Variants in RTN1 observed in about 807,000 individuals in gnomAD.
RTN1 encodes reticulon-1.
A neutral mutation model predicts 65.5 loss-of-function variants in RTN1; 25 were observed. That is an observed-to-expected ratio of 0.38 (90% CI 0.28 to 0.53). The LOEUF (loss-of-function observed/expected upper bound fraction) is 0.53. Ranked by LOEUF, RTN1 falls within the 20% of genes least tolerant of loss-of-function variation. The probability of loss-of-function intolerance (pLI) is 0.79; values close to 1 mark genes in which losing one functional copy is unlikely to be tolerated. For missense variants in RTN1, 983 were observed against 1,025.4 expected (o/e 0.96, Z 0.57); for synonymous variants, 471 against 447.6 (o/e 1.05, Z -0.66).
At chr14:59,652,997 G>GA (rs947927645) in intron 3 of RTN1, among the ~76,000 whole-genome samples, 3 of 151,230 alleles carry the variant, frequency 2.0e-5, no homozygotes, top group Admixed American at 2.0e-4. Context: ...GAAAGAAACA[G>GA]AAAAAAAATT....
chr14:59,728,390 C>A (rs981609519), intron 2 of RTN1, among the ~76,000 whole-genome samples: 8 of 151,126 alleles, frequency 5.3e-5, no homozygotes, highest in African/African-American at 1.9e-4. Flanking sequence ...CCACTGTATT[C>A]TTTCCCTTTC....
intron 2 of RTN1, among the ~76,000 whole-genome samples, chr14:59,730,679 A>T (rs1214197918): frequency 6.6e-6 from 1 of 152,230 alleles, no homozygotes; most frequent in African/African-American, 2.4e-5. Context: ...CCAATTAAAA[A>T]TGGGCAAAGA....
intron 3 of RTN1, among the ~76,000 whole-genome samples, chr14:59,658,423 C>T (rs1421792040): frequency 6.6e-6 from 1 of 152,190 alleles, no homozygotes; most frequent in Non-Finnish European, 1.5e-5. Context: ...GTCCCTGACC[C>T]CTGTGTCTCC....
In RTN1 at chr14:59,825,198, G is replaced by C. The variant is rs760371015; in HGVS notation, c.241+45192C>G. Among the ~76,000 whole-genome samples, 5 of 152,150 alleles carry C rather than the reference G, an allele frequency of 3.3e-5. No homozygotes were observed. On this transcript the variant is annotated intron_variant, in intron 1 of 8. Coordinates refer to ENST00000267484, the MANE Select transcript of RTN1 (RefSeq NM_021136.3). The surrounding 1 kb of genome is among the most constrained non-coding windows in gnomAD (Gnocchi z 4.2). The stretch of plus-strand genomic sequence containing the variant: ...TACCGACTAGGTGCCAATAGCACCC[G>C]AGTCATGTCTATTAAAAATGTCTCC...
chr14:59,728,292 TGTAA>T (rs1351137586), intron 2 of RTN1, among the ~76,000 whole-genome samples: 1 of 142,642 alleles, frequency 7.0e-6, no homozygotes, highest in Non-Finnish European at 1.5e-5. Context: ...AGTGGAGCAA[TGTAA>T]GAGATCACTT....
rs1885852956 is a variant in RTN1 at position 59,766,480 on chromosome 14, G to C, written c.242-19999C>G. On this transcript the variant is annotated intron_variant, in intron 1 of 8. Transcript: ENST00000267484. The surrounding 1 kb of genome is among the most constrained non-coding windows in gnomAD (Gnocchi z 4.4). The stretch of plus-strand genomic sequence containing the variant: ...TTTCTACTTACCTGTAAGTTGGTAA[G>C]GTAGCTGCTCTTATATCTGGGGAAG... 6.6e-6 allele frequency among the ~76,000 whole-genome samples: 1 copy of C among 152,084 alleles called. No homozygotes were observed. Among genetic ancestry groups the C allele is most frequent in the Non-Finnish European group, 1.5e-5 (1 of 68,010 alleles).
At chr14:59,741,871 G>C (rs1371037383) in intron 2 of RTN1, among the ~76,000 whole-genome samples, 7 of 152,146 alleles carry the variant, frequency 4.6e-5, no homozygotes, top group Non-Finnish European at 8.8e-5. Flanking sequence ...TTCAGTTCAT[G>C]TGTCATCTCC....
At chr14:59,612,985 T>C (rs1295238669) in intron 3 of RTN1, among the ~76,000 whole-genome samples, 3 of 152,244 alleles carry the variant, frequency 2.0e-5, no homozygotes, top group African/African-American at 7.2e-5. Context: ...GAATAATTCC[T>C]TTCTGGTTTA....
At chr14:59,731,896 C>T (rs1214623231) in intron 2 of RTN1, among the ~76,000 whole-genome samples, 1 of 152,208 alleles carries the variant, frequency 6.6e-6, no homozygotes, top group African/African-American at 2.4e-5. Flanking sequence ...GGTGATTTTA[C>T]CCATTTCCAC....
At chr14:59,618,324 C>A (rs1421700995) in intron 3 of RTN1, among the ~76,000 whole-genome samples, 3 of 152,218 alleles carry the variant, frequency 2.0e-5, no homozygotes, top group African/African-American at 7.2e-5. Flanking sequence ...AGATATTTTG[C>A]AGACCCTGCA....
chr14:59,615,460 A>AAAC (rs1401789083), intron 3 of RTN1, among the ~76,000 whole-genome samples: 1 of 152,144 alleles, frequency 6.6e-6, no homozygotes, highest in Non-Finnish European at 1.5e-5. Context: ...AAAAAAAACA[A>AAAC]AACAACAACA....
Position 59,870,648 on chromosome 14 carries a change from C to CGCG in RTN1, c.-21_-19dup, listed in dbSNP as rs1887886664. 2 of 1,364,440 alleles carry CGCG rather than the reference C, an allele frequency of 1.5e-6. No individual in the cohort carries two copies. Among genetic ancestry groups the CGCG allele is most frequent in the Non-Finnish European group, 1.9e-6 (2 of 1,066,334 alleles). 84.5% of individuals were successfully genotyped at this position (1,364,440 alleles called of 1,614,324 possible). Reference sequence around the variant, plus strand: ...GCGGCCATGGCTGGCGGTCCCCCGGCGCGGCGACGGCGGCTTGGCTGGGCA... The same window carrying CGCG: ...GCGGCCATGGCTGGCGGTCCCCCGGCGCGGCGGCGACGGCGGCTTGGCTGGGCA... On this transcript the variant is annotated 5_prime_UTR_variant, in exon 1 of 9. Transcript: ENST00000267484. The surrounding 1 kb of genome is among the most constrained non-coding windows in gnomAD (Gnocchi z 5.1).
intron 1 of RTN1, among the ~76,000 whole-genome samples, chr14:59,869,945 GGCCTGCCCGC>G (rs1887865288): frequency 6.6e-6 from 1 of 152,084 alleles, no homozygotes; most frequent in East Asian, 1.9e-4. Flanking sequence ...AGGGGCCGCG[GGCCTGCCCGC>G]CGCTCGGTTG....
intron 3 of RTN1, among the ~76,000 whole-genome samples, chr14:59,658,528 C>T (rs182317793): frequency 6.6e-6 from 1 of 152,292 alleles, no homozygotes; most frequent in East Asian, 1.9e-4. Context: ...ACGAAGCTTC[C>T]AGAGGAAGGA....
At chr14:59,793,509 G>A (rs1475744510) in intron 1 of RTN1, among the ~76,000 whole-genome samples, 2 of 152,034 alleles carry the variant, frequency 1.3e-5, no homozygotes, top group Non-Finnish European at 2.9e-5. Context: ...TGTAATCATA[G>A]AAATCTAGTA....
chr14:59,708,356 T>G (rs1261116941), intron 3 of RTN1, among the ~76,000 whole-genome samples: 1 of 152,252 alleles, frequency 6.6e-6, no homozygotes, highest in African/African-American at 2.4e-5. Context: ...TTTTCTCCTT[T>G]CCAAATACCT....
chr14:59,705,788 C>A (rs961410296), intron 3 of RTN1, among the ~76,000 whole-genome samples: 5 of 152,162 alleles, frequency 3.3e-5, no homozygotes, highest in African/African-American at 1.2e-4. Context: ...ACCTTGCAGG[C>A]AAGCACTGTG....
intron 5 of RTN1, chr14:59,604,181 C>G (rs1471393621): frequency 4.3e-6 from 1 of 235,016 alleles, no homozygotes; most frequent in African/African-American, 2.2e-5. Context: ...GGCCCTTGAC[C>G]GGTTTTTGCA....
At chr14:59,752,057 T>C (rs1321503942) in intron 1 of RTN1, among the ~76,000 whole-genome samples, 2 of 152,184 alleles carry the variant, frequency 1.3e-5, no homozygotes, top group Non-Finnish European at 2.9e-5. Flanking sequence ...CCAACACTTC[T>C]TCAACACTGG....
Sources: allele counts gnomAD v4.1 joint callset (sites outside exome capture counted in the v4.1 genomes callset), GRCh38; gene constraint gnomAD v4.1.1; non-coding constraint Gnocchi (gnomAD v3.1); transcripts MANE v1.5; gene names NCBI Gene and HGNC (gene_info 2026-07-23, HGNC 2026-07-21).